ADAMTS20: variants seen among roughly 807,000 people sequenced by gnomAD.
ADAMTS20 encodes A disintegrin and metalloproteinase with thrombospondin motifs 20.
In ADAMTS20, 225 loss-of-function variants were observed where a neutral mutation model predicts 260.1. That is an observed-to-expected ratio of 0.87 (90% confidence interval 0.78 to 0.97). The LOEUF (loss-of-function observed/expected upper bound fraction) is 0.97, where lower values mean the gene tolerates loss of function less well. Among genes scored for constraint, ADAMTS20 ranks in the 50% least tolerant of loss-of-function variants. The pLI is 0.00. For synonymous variants in ADAMTS20, 802 were observed against 769.5 expected, an observed-to-expected ratio of 1.04 and a Z score of -0.70; for missense variants, 2,400 against 2,337.7, an observed-to-expected ratio of 1.03 and a Z score of -0.55.
chr12:43,502,188 C>G lies in ADAMTS20; in HGVS notation c.831G>C (p.Ser277=), dbSNP rs758093162. The change falls in exon 4 of 39, where the codon TCG becomes TCC. Residue 277 remains serine (S), a synonymous_variant. Coordinates refer to ENST00000389420, the MANE Select transcript of ADAMTS20 (RefSeq NM_025003.5). ...GAGTCAGTATATAGTTTTGCAAATT[C>G]GATCCATGAGCAGAAACCACTTTAG... is the stretch of plus-strand genomic sequence containing the variant. ...ADAKVVSAHG[S]NLQNYILTLM... is the part of the protein sequence containing the mutation. The G allele has an allele frequency of 5.6e-6, 9 of 1,606,030 alleles. No homozygotes were observed. The highest frequency in any genetic ancestry group is 7.6e-6 in the Non-Finnish European group (9 of 1,176,806).
intron 36 of ADAMTS20, among the ~76,000 whole-genome samples, chr12:43,370,537 G>A (rs1940084835): frequency 6.6e-6 from 1 of 152,168 alleles, no homozygotes; most frequent in South Asian, 2.1e-4. Context: ...AAGCATGTCA[G>A]TCAACAGCCA....
intron 2 of ADAMTS20, among the ~76,000 whole-genome samples, chr12:43,545,039 T>C (rs565602950): frequency 6.6e-6 from 1 of 152,262 alleles, no homozygotes; most frequent in Non-Finnish European, 1.5e-5. Context: ...CATTGCCAAA[T>C]GTCTTCTGGG....
At chr12:43,501,476 C>CGG (rs1180877695) in intron 4 of ADAMTS20, among the ~76,000 whole-genome samples, 5 of 88,914 alleles carry the variant, frequency 5.6e-5, no homozygotes, top group Non-Finnish European at 1.1e-4. Flanking sequence ...CGCGCGCGCG[C>CGG]GCGCGCACAC....
chr12:43,517,920 G>C (rs963752613), intron 3 of ADAMTS20, among the ~76,000 whole-genome samples: 1 of 151,914 alleles, frequency 6.6e-6, no homozygotes, highest in Non-Finnish European at 1.5e-5. Flanking sequence ...AAATTCCTTT[G>C]AAATATCTCA....
At chr12:43,406,411 T>C (rs768371211) in intron 28 of ADAMTS20, among the ~76,000 whole-genome samples, 17 of 152,148 alleles carry the variant, frequency 1.1e-4, no homozygotes, top group Non-Finnish European at 1.8e-4. Flanking sequence ...TAAATAATTC[T>C]TTAAATGATG....
At chr12:43,474,259 G>A (rs1263062623) in intron 7 of ADAMTS20, among the ~76,000 whole-genome samples, 13 of 135,444 alleles carry the variant, frequency 9.6e-5, no homozygotes, top group African/African-American at 3.3e-4. Context: ...TACATTCCTC[G>A]ACACATACAC....
intron 7 of ADAMTS20, among the ~76,000 whole-genome samples, chr12:43,470,941 T>C (rs1049809174): frequency 6.6e-6 from 1 of 152,220 alleles, no homozygotes; most frequent in Non-Finnish European, 1.5e-5. Flanking sequence ...AGATATAGTA[T>C]CTCATAGGAA....
intron 11 of ADAMTS20, among the ~76,000 whole-genome samples, chr12:43,454,616 C>A (rs1224087255): frequency 6.6e-6 from 1 of 152,166 alleles, no homozygotes; most frequent in Admixed American, 6.6e-5. Context: ...AATTCACTAT[C>A]CCAGACAAAG....
Position 43,462,943 on chromosome 12 carries a change from G to T in ADAMTS20, c.1566C>A (p.Phe522Leu). ...CATCTGCTGGTGGCACGTGTTGAGTGAAACAGCCTTTGTGAAGCTTTTCTG... is the reference window on the plus strand; with the variant it reads ...CATCTGCTGGTGGCACGTGTTGAGTTAAACAGCCTTTGTGAAGCTTTTCTG... Reference protein sequence around the residue: ...TSTEKLHKGCFTQHVPPADGT... With the variant: ...TSTEKLHKGCLTQHVPPADGT... Residue 522 changes from phenylalanine to leucine, a missense_variant, in exon 11 of 39, where the codon TTC becomes TTA. Transcript: ENST00000389420. The T allele has an allele frequency of 6.2e-7, 1 of 1,609,798 alleles. No individual in the cohort carries two copies.
chr12:43,428,751 G>C lies in ADAMTS20; in HGVS notation c.3538C>G (p.Arg1180Gly). ...TCTGCTATTCTATCAAGAGCATCAC[G>C]ACAGCTTACATAGCGGGCTTGAGTA... ...RGTQARYVSC[R>G]DALDRIADES... Residue 1180 changes from arginine (R) to glycine (G), a missense_variant, in exon 25 of 39, where the codon CGT becomes GGT. By Grantham distance (125) the Arg-to-Gly change is moderately radical (BLOSUM62 -2). Coordinates refer to ENST00000389420, the MANE Select transcript of ADAMTS20 (RefSeq NM_025003.5). 1 of 1,611,046 alleles carries C rather than the reference G, an allele frequency of 6.2e-7. No homozygotes were observed. Among genetic ancestry groups the C allele is most frequent in the Non-Finnish European group, 8.5e-7 (1 of 1,178,062 alleles).
intron 29 of ADAMTS20, among the ~76,000 whole-genome samples, chr12:43,387,724 C>A (rs559192541): frequency 6.6e-6 from 1 of 152,158 alleles, no homozygotes; most frequent in Non-Finnish European, 1.5e-5. Flanking sequence ...TTGGCTAGAG[C>A]GGCAAAGCTG....
At chr12:43,466,001 G>A (rs570822249) in intron 9 of ADAMTS20, among the ~76,000 whole-genome samples, 2 of 152,124 alleles carry the variant, frequency 1.3e-5, no homozygotes, top group African/African-American at 2.4e-5. Flanking sequence ...TATTGGGAAG[G>A]AGCTCAGGCT....
intron 3 of ADAMTS20, among the ~76,000 whole-genome samples, chr12:43,528,661 A>G (rs995005702): frequency 6.6e-6 from 1 of 152,126 alleles, no homozygotes; most frequent in Admixed American, 6.6e-5. Context: ...TCAACTCAAG[A>G]TGGATTAAAG....
At chr12:43,547,718 G>A (rs1382257285) in intron 2 of ADAMTS20, among the ~76,000 whole-genome samples, 3 of 152,142 alleles carry the variant, frequency 2.0e-5, no homozygotes, top group African/African-American at 7.2e-5. Context: ...TGTATTTGAA[G>A]GCTGCACAAT....
chr12:43,439,825 T>C, intron 17 of ADAMTS20, 72 bp downstream of exon 17: 3 of 1,552,800 alleles, frequency 1.9e-6, no homozygotes, highest in South Asian at 2.4e-5. Context: ...TATTTGATAA[T>C]GTTAAGCACT....
At chr12:43,415,908 T>G (rs888177550) in intron 28 of ADAMTS20, among the ~76,000 whole-genome samples, 1 of 152,194 alleles carries the variant, frequency 6.6e-6, no homozygotes, top group South Asian at 2.1e-4. Context: ...GATGGGCCCT[T>G]CACACTGCAA....
intron 38 of ADAMTS20, among the ~76,000 whole-genome samples, chr12:43,354,850 G>T (rs933249479): frequency 1.3e-5 from 2 of 152,146 alleles, no homozygotes; most frequent in African/African-American, 4.8e-5. Flanking sequence ...TAAAAACTGG[G>T]CTGAAAGCAA....
At chr12:43,366,608 C>T (rs1358596435) in intron 37 of ADAMTS20, among the ~76,000 whole-genome samples, 2 of 151,724 alleles carry the variant, frequency 1.3e-5, no homozygotes, top group African/African-American at 2.4e-5. Flanking sequence ...TAACACAGAG[C>T]GTGTTTTCCA....
intron 8 of ADAMTS20, among the ~76,000 whole-genome samples, chr12:43,468,338 G>T (rs975715624): frequency 6.6e-6 from 1 of 152,132 alleles, no homozygotes; most frequent in African/African-American, 2.4e-5. Context: ...GGCCAGAAGT[G>T]CTTGTCATGT....
Sources: gnomAD v4.1 joint callset for allele counts (sites outside exome capture counted in the v4.1 genomes callset) on GRCh38, gnomAD v4.1.1 for gene constraint, MANE v1.5 for transcripts, NCBI Gene and HGNC (gene_info 2026-07-23, HGNC 2026-07-21) for gene names.